TNNI3K: variants seen among roughly 807,000 people sequenced by gnomAD.
TNNI3K encodes the protein serine/threonine-protein kinase TNNI3K.
A neutral mutation model predicts 114.5 loss-of-function variants in TNNI3K; 140 were observed. The ratio of observed to expected loss-of-function variants is 1.22; its 90% CI spans 1.07 to 1.41. TNNI3K has a LOEUF of 1.41. Among genes scored for constraint, TNNI3K ranks in the 40% most tolerant of loss-of-function variants. The probability of loss-of-function intolerance (pLI) is 0.00; values close to 1 mark genes in which losing one functional copy is unlikely to be tolerated. For synonymous variants in TNNI3K, 347 were observed against 347.5 expected, an observed-to-expected ratio of 1.00 and a Z score of 0.02; for missense variants, 1,125 against 1,007.6, an observed-to-expected ratio of 1.12 and a Z score of -1.58.
At chr1:74,451,689 T>TTTCTTTTCTA (rs1431751183) in intron 20 of TNNI3K, among the ~76,000 whole-genome samples, 37 of 65,374 alleles carry the variant, frequency 5.7e-4, no homozygotes, top group African/African-American at 2.1e-3. Flanking sequence ...TTTCTTTTCT[T>TTTCTTTTCTA]TCTTTCTTTC....
intron 3 of TNNI3K, 64 bp downstream of exon 3, chr1:74,249,608 C>G: frequency 6.6e-7 from 1 of 1,523,512 alleles, no homozygotes. Flanking sequence ...GTGACTTGAG[C>G]TGCTTAATAG....
intron 11 of TNNI3K, 61 bp downstream of exon 11, chr1:74,354,190 C>G: frequency 6.3e-7 from 1 of 1,593,746 alleles, no homozygotes; most frequent in Non-Finnish European, 8.5e-7. Context: ...TAGATTATGT[C>G]AGTGCATCAA....
chr1:74,539,697 T>C (rs1400675976), intron 23 of TNNI3K, among the ~76,000 whole-genome samples: 2 of 152,060 alleles, frequency 1.3e-5, no homozygotes, highest in Admixed American at 1.3e-4. Flanking sequence ...AGTTACTTAA[T>C]TGTTCCAGTG....
intron 5 of TNNI3K, among the ~76,000 whole-genome samples, chr1:74,316,920 C>G (rs1359262313): frequency 6.6e-6 from 1 of 151,442 alleles, no homozygotes; most frequent in Non-Finnish European, 1.5e-5. Context: ...GGAATTGTCT[C>G]GATCTCCTGA....
At chr1:74,353,925 G>A in intron 10 of TNNI3K, 55 bp from the exon 11 acceptor site, 1 of 1,560,690 alleles carries the variant, frequency 6.4e-7, no homozygotes, top group Non-Finnish European at 8.7e-7. Flanking sequence ...TTTGAAAATT[G>A]GGGAGCAGTT....
chr1:74,484,406 A>G (rs952432058), intron 21 of TNNI3K, among the ~76,000 whole-genome samples: 1 of 152,202 alleles, frequency 6.6e-6, no homozygotes, highest in African/African-American at 2.4e-5. Flanking sequence ...GCTGACAAGC[A>G]CCTGCCCTTG....
rs184219451 is a variant in TNNI3K, at chr1:74,469,468, C to A, written c.2121+5918C>A. 168 of 154,300 alleles carry A rather than the reference C, an allele frequency of 1.1e-3. 3 individuals carry two copies. The highest frequency in any genetic ancestry group is 5.8e-4 in the Non-Finnish European group (40 of 69,506). 9.6% of individuals were successfully genotyped at this position (154,300 alleles called of 1,614,324 possible). ...AATATATAATTATCCATGTAGAAAG[C>A]AATATTGTAATACCACTAATTGAGA... On this transcript the variant is annotated intron_variant, in intron 21 of 24. Transcript: ENST00000326637.
At chr1:74,352,821 G>T (rs1446415604) in intron 9 of TNNI3K, among the ~76,000 whole-genome samples, 3 of 152,008 alleles carry the variant, frequency 2.0e-5, no homozygotes, top group Admixed American at 2.0e-4. Context: ...TTGGAAAAGC[G>T]CAGTATTAGG....
intron 5 of TNNI3K, among the ~76,000 whole-genome samples, chr1:74,296,703 A>G (rs1658010388): frequency 6.6e-6 from 1 of 152,162 alleles, no homozygotes; most frequent in South Asian, 2.1e-4. Context: ...TGGTTACTGA[A>G]TTCCGGTTGG....
chr1:74,319,765 C>T (rs1223250847), intron 5 of TNNI3K, among the ~76,000 whole-genome samples: 2 of 152,172 alleles, frequency 1.3e-5, no homozygotes, highest in Non-Finnish European at 2.9e-5. Context: ...GAACAAGAAA[C>T]GGGTGCTGGG....
chr1:74,475,116 CCA>C (rs3058791), intron 21 of TNNI3K, among the ~76,000 whole-genome samples: 6,969 of 135,804 alleles, frequency 0.051, 340 homozygotes, highest in African/African-American at 0.14. Context: ...CCACCTCAGC[CCA>C]CACACACACA....
intron 17 of TNNI3K, chr1:74,418,194 C>G (rs760221405): frequency 2.2e-6 from 1 of 453,624 alleles, no homozygotes; most frequent in Non-Finnish European, 4.4e-6. Flanking sequence ...TATGTGATTG[C>G]TAGAGCTCAA....
In TNNI3K at chr1:74,543,064, C is replaced by CTTTTTTTTTTTTTTTTTTTTTTTT. The variant is rs60688934; in HGVS notation, c.2432-836_2432-813dup. Among the ~76,000 whole-genome samples, 16 of 6,760 alleles carry CTTTTTTTTTTTTTTTTTTTTTTTT rather than the reference C, an allele frequency of 2.4e-3. 8 individuals are homozygous for CTTTTTTTTTTTTTTTTTTTTTTTT. The highest frequency in any genetic ancestry group is 4.5e-3 in the Admixed American group (2 of 440). 4.4% of individuals were successfully genotyped at this position (6,760 alleles called of 152,430 possible). On this transcript the variant is annotated intron_variant, in intron 24 of 24. Transcript: ENST00000326637. ...CTTTTCCTTTTCTTTTTCTTTTTCC[C>CTTTTTTTTTTTTTTTTTTTTTTTT]TTTTTTTTTTTTTTTTTTTTTTTTT...
At chr1:74,265,368 C>T (rs543381407) in intron 4 of TNNI3K, among the ~76,000 whole-genome samples, 4 of 151,942 alleles carry the variant, frequency 2.6e-5, no homozygotes, top group Admixed American at 6.6e-5. Flanking sequence ...GAGTGCCACA[C>T]GGGCTAGAAA....
At chr1:74,508,889 G>C (rs1387131233) in intron 23 of TNNI3K, among the ~76,000 whole-genome samples, 1 of 152,114 alleles carries the variant, frequency 6.6e-6, no homozygotes, top group Non-Finnish European at 1.5e-5. Context: ...TACCTTGTCT[G>C]GTTTTTACAG....
intron 4 of TNNI3K, among the ~76,000 whole-genome samples, chr1:74,258,921 C>T (rs905822049): frequency 1.1e-4 from 17 of 152,186 alleles, no homozygotes; most frequent in Non-Finnish European, 2.1e-4. Context: ...TAACAAACAA[C>T]CTAGGAATTT....
chr1:74,321,315 C>T (rs1659599321), intron 5 of TNNI3K, among the ~76,000 whole-genome samples: 1 of 152,068 alleles, frequency 6.6e-6, no homozygotes, highest in Admixed American at 6.6e-5. Context: ...TTGGTGGGCT[C>T]CCTTGACAGG....
chr1:74,363,408 C>CT (rs1662080680), intron 11 of TNNI3K, among the ~76,000 whole-genome samples: 1 of 152,030 alleles, frequency 6.6e-6, no homozygotes, highest in East Asian at 1.9e-4. Flanking sequence ...TTATCATCAG[C>CT]CAGAACCCAG....
In TNNI3K at chr1:74,475,189, A is replaced by G. The variant is rs45532732; in HGVS notation, c.2121+11639A>G. The G allele has an allele frequency of 9.3e-4, 551 of 594,284 alleles. 2 individuals are homozygous for G. The highest frequency in any genetic ancestry group is 8.8e-3 in the African/African-American group (472 of 53,504). 36.8% of individuals were successfully genotyped at this position (594,284 alleles called of 1,614,324 possible). A position where few individuals can be genotyped will look rare whatever the true frequency, so the allele number is the denominator to read the frequency against. On this transcript the variant is annotated intron_variant, in intron 21 of 24. Coordinates refer to ENST00000326637, the MANE Select transcript of TNNI3K (RefSeq NM_015978.3). ...TTTAGAAAAGGAATAGACTAGTGCT[A>G]TAGTGATTTTTATAGTATTTCCTGT... is the stretch of plus-strand genomic sequence containing the variant.
Sources: allele counts gnomAD v4.1 joint callset (sites outside exome capture counted in the v4.1 genomes callset), GRCh38; gene constraint gnomAD v4.1.1; transcripts MANE v1.5; gene names NCBI Gene and HGNC (gene_info 2026-07-23, HGNC 2026-07-21).